Variants in PRKN observed in about 807,000 individuals in gnomAD.
The protein encoded by PRKN is E3 ubiquitin-protein ligase parkin.
Under a neutral mutation model 59.5 loss-of-function variants are expected in PRKN, and 56 were observed. The ratio of observed to expected loss-of-function variants is 0.94; its 90% CI spans 0.76 to 1.18. The LOEUF is 1.18. Among genes scored for constraint, PRKN ranks in the 50% most tolerant of loss-of-function variants. The pLI, the probability that PRKN is intolerant of heterozygous loss-of-function variation, is 0.00. For synonymous variants in PRKN, 250 were observed against 222.1 expected, an observed-to-expected ratio of 1.13 and a Z score of -1.12; for missense variants, 657 against 596.4, an observed-to-expected ratio of 1.10 and a Z score of -1.06.
intron 2 of PRKN, among the ~76,000 whole-genome samples, chr6:162,317,296 A>G (rs1025517677): frequency 3.3e-5 from 5 of 152,016 alleles, no homozygotes; most frequent in African/African-American, 1.2e-4. Context: ...CATGGTAGTG[A>G]ATAAGTCTCA....
chr6:161,899,970 A>C (rs1777822218), intron 6 of PRKN, among the ~76,000 whole-genome samples: 1 of 151,964 alleles, frequency 6.6e-6, no homozygotes, highest in Admixed American at 6.6e-5. Context: ...AGAAATACAA[A>C]AATTAGCTGG....
At position 161,475,930 on chromosome 6, in the gene PRKN, T is replaced by C. The variant is rs1311031658; in HGVS notation, c.1083+72924A>G. 6.6e-6 allele frequency among the ~76,000 whole-genome samples: 1 copy of C among 152,124 alleles called. No individual in the cohort carries two copies. The highest frequency in any genetic ancestry group is 1.5e-5 in the Non-Finnish European group (1 of 68,026). The stretch of plus-strand genomic sequence containing the variant: ...GGCTGGTCGCGGTGGCTCACGCCTG[T>C]AATCCCAGCATTTTGGGAGGCCAAG... On this transcript the variant is annotated intron_variant, in intron 9 of 11. Coordinates refer to ENST00000366898, the MANE Select transcript of PRKN (RefSeq NM_004562.3). The surrounding 1 kb of genome is among the most constrained non-coding windows in gnomAD (Gnocchi z 5.3).
chr6:162,520,912 A>G (rs528631845), intron 1 of PRKN, among the ~76,000 whole-genome samples: 69 of 152,336 alleles, frequency 4.5e-4, no homozygotes, highest in South Asian at 2.1e-4. Context: ...AGCTTTAAAC[A>G]TCCTTAATCT....
chr6:161,906,915 C>G (rs1206886769), intron 6 of PRKN, among the ~76,000 whole-genome samples: 2 of 152,022 alleles, frequency 1.3e-5, no homozygotes, highest in Non-Finnish European at 2.9e-5. Context: ...TCCATCCACG[C>G]TCTTCTGCCT....
intron 2 of PRKN, among the ~76,000 whole-genome samples, chr6:162,384,623 G>C (rs907830326): frequency 2.0e-5 from 3 of 148,926 alleles, no homozygotes; most frequent in Admixed American, 2.0e-4. Flanking sequence ...GCTTGATACA[G>C]GGTTGCCACA....
rs1562525644 is a variant in PRKN, at chr6:161,559,058, A to AAC, written c.934-10056_934-10055insGT. Among the ~76,000 whole-genome samples, 5 of 138,826 alleles carry AAC rather than the reference A, an allele frequency of 3.6e-5. No individual in the cohort carries two copies. The South Asian group carries it at 1.2e-3, about 32-fold the overall frequency. 91.1% of individuals were successfully genotyped at this position (138,826 alleles called of 152,430 possible). A position where few individuals can be genotyped will look rare whatever the true frequency, so the allele number is the denominator to read the frequency against. On this transcript the variant is annotated intron_variant, in intron 8 of 11. Coordinates refer to ENST00000366898, the MANE Select transcript of PRKN (RefSeq NM_004562.3). ...AACATCAAACAAGACCTAAAAAAAA[A>AAC]AAAAAAAACCAGTAAACAAAAAAAA...
chr6:162,032,640 C>A (rs374130796), intron 5 of PRKN, among the ~76,000 whole-genome samples: 1 of 152,106 alleles, frequency 6.6e-6, no homozygotes, highest in South Asian at 2.1e-4. Flanking sequence ...ATGAAAAAAG[C>A]GAAGCTGAGA....
intron 1 of PRKN, among the ~76,000 whole-genome samples, chr6:162,610,910 A>T (rs1390584431): frequency 6.6e-6 from 1 of 152,220 alleles, no homozygotes; most frequent in African/African-American, 2.4e-5. Flanking sequence ...ATGCAATTAG[A>T]ATAAAGTTGT....
At chr6:162,274,781 T>C (rs143955650) in intron 2 of PRKN, among the ~76,000 whole-genome samples, 50 of 152,216 alleles carry the variant, frequency 3.3e-4, no homozygotes, top group South Asian at 2.1e-3. Context: ...GTCCTTATTA[T>C]AGAAAATTTT....
At chr6:162,188,156 C>T (rs1562567860) in intron 4 of PRKN, among the ~76,000 whole-genome samples, 1 of 152,164 alleles carries the variant, frequency 6.6e-6, no homozygotes, top group Non-Finnish European at 1.5e-5. Flanking sequence ...AAGTGTGAGG[C>T]CTCCCCAGCC....
chr6:162,325,946 A>C (rs545060914), intron 2 of PRKN, among the ~76,000 whole-genome samples: 1 of 152,190 alleles, frequency 6.6e-6, no homozygotes, highest in Admixed American at 6.5e-5. Flanking sequence ...ATCCGTGGTC[A>C]TGTCTAATGG....
intron 6 of PRKN, among the ~76,000 whole-genome samples, chr6:161,868,130 A>T (rs1216099213): frequency 6.6e-6 from 1 of 152,100 alleles, no homozygotes; most frequent in Non-Finnish European, 1.5e-5. Flanking sequence ...AATGTTTCTA[A>T]GATCATTTTC....
At position 161,417,967 on chromosome 6, in the gene PRKN, C is replaced by A. The variant is rs1036532874; in HGVS notation, c.1084-31090G>T. 6.6e-6 allele frequency among the ~76,000 whole-genome samples: 1 copy of A among 152,186 alleles called. No homozygotes were observed. Among genetic ancestry groups the A allele is most frequent in the African/African-American group, 2.4e-5 (1 of 41,432 alleles). On this transcript the variant is annotated intron_variant, in intron 9 of 11. Transcript: ENST00000366898. This position sits in a 1 kb window ranked among gnomAD's most constrained non-coding sequence, Gnocchi z 5.4. Reference sequence around the variant, plus strand: ...GGGAGCTGCAGGCTGGCTTCCCACGCTCCCTCCTGGGCCTGGCCCCCAGGC... The same window carrying A: ...GGGAGCTGCAGGCTGGCTTCCCACGATCCCTCCTGGGCCTGGCCCCCAGGC...
chr6:162,196,982 A>G (rs1458261720), intron 4 of PRKN, among the ~76,000 whole-genome samples: 5 of 152,310 alleles, frequency 3.3e-5, no homozygotes, highest in African/African-American at 1.2e-4. Context: ...TTATACTTTC[A>G]AAAATAACCC....
At chr6:162,062,656 A>T (rs1015398044) in intron 4 of PRKN, among the ~76,000 whole-genome samples, 2 of 152,140 alleles carry the variant, frequency 1.3e-5, no homozygotes, top group African/African-American at 4.8e-5. Flanking sequence ...CTTGGAAAAC[A>T]CCAAGCCTGC....
intron 3 of PRKN, among the ~76,000 whole-genome samples, chr6:162,245,050 A>G (rs548692853): frequency 6.6e-6 from 1 of 152,258 alleles, no homozygotes; most frequent in East Asian, 1.9e-4. Context: ...CAGGGAGCAA[A>G]GTATATTTAC....
intron 9 of PRKN, among the ~76,000 whole-genome samples, chr6:161,492,999 G>A (rs1471654785): frequency 6.6e-6 from 1 of 152,174 alleles, no homozygotes; most frequent in Non-Finnish European, 1.5e-5. Context: ...TTATAAAAAT[G>A]TATTCATGCA....
chr6:161,551,130 G>A lies in PRKN; in HGVS notation c.934-2127C>T, dbSNP rs578256512. Among the ~76,000 whole-genome samples, 2 of 152,264 alleles carry A rather than the reference G, an allele frequency of 1.3e-5. No homozygotes were observed. Among genetic ancestry groups the A allele is most frequent in the Non-Finnish European group, 2.9e-5 (2 of 68,026 alleles). ...TGTCATAAGCTGTGCAATTACCAGA[G>A]GATACAATGAAGATATTTCATCAGG... On this transcript the variant is annotated intron_variant, in intron 8 of 11. Coordinates refer to ENST00000366898, the MANE Select transcript of PRKN (RefSeq NM_004562.3). The surrounding 1 kb of genome is among the most constrained non-coding windows in gnomAD (Gnocchi z 5.2).
chr6:162,063,271 C>A (rs544354743), intron 4 of PRKN, among the ~76,000 whole-genome samples: 1 of 152,262 alleles, frequency 6.6e-6, no homozygotes, highest in South Asian at 2.1e-4. Flanking sequence ...ATTAATAATA[C>A]AGACATAAAC....
Sources: allele counts gnomAD v4.1 joint callset (sites outside exome capture counted in the v4.1 genomes callset), GRCh38; gene constraint gnomAD v4.1.1; non-coding constraint Gnocchi (gnomAD v3.1); transcripts MANE v1.5; gene names NCBI Gene and HGNC (gene_info 2026-07-23, HGNC 2026-07-21).